Variants in DCC observed in about 807,000 individuals in gnomAD.
The protein encoded by DCC is netrin receptor DCC.
DCC carries 58 observed loss-of-function variants against 172.5 expected under a neutral mutation model. The ratio of observed to expected loss-of-function variants is 0.34; its 90% CI spans 0.27 to 0.42. The LOEUF is 0.42. Among genes scored for constraint, DCC ranks in the 10% least tolerant of loss-of-function variants. The probability of loss-of-function intolerance (pLI) is 1.00; values close to 1 mark genes in which losing one functional copy is unlikely to be tolerated. For missense variants in DCC, 1,740 were observed against 1,791.0 expected (o/e 0.97, Z 0.51); for synonymous variants, 709 against 644.5 (o/e 1.10, Z -1.52).
In DCC at chr18:52,758,264, T is replaced by G. The variant is rs140027539; in HGVS notation, c.412+5890T>G. 3.3e-3 allele frequency among the ~76,000 whole-genome samples: 499 copies of G among 152,290 alleles called. 7 individuals carry two copies. The highest frequency in any genetic ancestry group is 0.011 in the African/African-American group (468 of 41,576). On this transcript the variant is annotated intron_variant, in intron 2 of 28. Coordinates refer to ENST00000442544, the MANE Select transcript of DCC (RefSeq NM_005215.4). ...ATAATGATCTTTCTAGGAACACAAT[T>G]TGGTAATCTTTTATCTTTCTAAGTG...
At chr18:52,415,484 G>A (rs1986990004) in intron 1 of DCC, among the ~76,000 whole-genome samples, 2 of 152,266 alleles carry the variant, frequency 1.3e-5, no homozygotes, top group African/African-American at 4.8e-5. Flanking sequence ...TAAACATTAT[G>A]GGATGTGCCA....
chr18:53,267,155 G>T lies in DCC; in HGVS notation c.1912-38423G>T, dbSNP rs544567982. ...ACACATATATATATATATATAGAGA[G>T]AGAGAGAGAGACAGAGACAGAGAGA... is the stretch of plus-strand genomic sequence containing the variant. On this transcript the variant is annotated intron_variant, in intron 12 of 28. Coordinates refer to ENST00000442544, the MANE Select transcript of DCC (RefSeq NM_005215.4). Among the ~76,000 whole-genome samples, 202 of 151,704 alleles carry T rather than the reference G, an allele frequency of 1.3e-3. 1 individual carries two copies. The highest frequency in any genetic ancestry group is 4.6e-3 in the South Asian group (22 of 4,798).
chr18:53,060,118 C>T (rs1381861430), intron 5 of DCC, among the ~76,000 whole-genome samples: 1 of 152,112 alleles, frequency 6.6e-6, no homozygotes, highest in African/African-American at 2.4e-5. Context: ...ATTCTCATGC[C>T]TCAGCCTCCC....
chr18:53,438,328 T>G (rs1243137250), intron 22 of DCC, among the ~76,000 whole-genome samples: 1 of 152,198 alleles, frequency 6.6e-6, no homozygotes, highest in African/African-American at 2.4e-5. Flanking sequence ...GCTTAAAGCT[T>G]GGGCAAATGT....
intron 2 of DCC, among the ~76,000 whole-genome samples, chr18:52,815,183 C>T (rs4939706): frequency 0.97 from 147,171 of 152,224 alleles, 71,353 homozygotes; most frequent in Middle Eastern, 1. Context: ...TGATTAGCAT[C>T]TGTTTAATGA....
At chr18:53,362,530 C>G (rs2057959172) in intron 15 of DCC, among the ~76,000 whole-genome samples, 1 of 152,094 alleles carries the variant, frequency 6.6e-6, no homozygotes, top group Non-Finnish European at 1.5e-5. Context: ...ATGGCCTTCA[C>G]AAGAAAAAGT....
intron 5 of DCC, among the ~76,000 whole-genome samples, chr18:52,928,475 T>C (rs1214623002): frequency 6.6e-6 from 1 of 152,170 alleles, no homozygotes; most frequent in Non-Finnish European, 1.5e-5. Flanking sequence ...TAACGTAATA[T>C]AATACAGTTA....
At chr18:53,515,003 G>T (rs958732874) in intron 27 of DCC, among the ~76,000 whole-genome samples, 11 of 151,752 alleles carry the variant, frequency 7.2e-5, no homozygotes, top group Non-Finnish European at 1.5e-4. Flanking sequence ...CAAAAAAAGA[G>T]AATTTTAGAC....
chr18:52,904,024 G>GA (rs1182874083), intron 2 of DCC, among the ~76,000 whole-genome samples: 2 of 152,214 alleles, frequency 1.3e-5, no homozygotes, highest in African/African-American at 4.8e-5. Flanking sequence ...AGTTCTAACT[G>GA]AAAAAGAATA....
intron 1 of DCC, among the ~76,000 whole-genome samples, chr18:52,416,061 T>C (rs1169447643): frequency 1.3e-5 from 2 of 152,156 alleles, no homozygotes; most frequent in East Asian, 3.9e-4. Flanking sequence ...CCAGAGATTC[T>C]GGTATGTTGT....
At chr18:53,503,620 G>T (rs1032196052) in intron 27 of DCC, among the ~76,000 whole-genome samples, 1 of 152,274 alleles carries the variant, frequency 6.6e-6, no homozygotes, top group Admixed American at 6.5e-5. Flanking sequence ...CTAAGATAGG[G>T]TGTGTGGGTT....
chr18:52,693,358 A>G (rs1599023828), intron 1 of DCC, among the ~76,000 whole-genome samples: 1 of 147,962 alleles, frequency 6.8e-6, no homozygotes, highest in South Asian at 2.1e-4. Flanking sequence ...AAATATAGGT[A>G]GAATATATAA....
Position 52,552,834 on chromosome 18 carries a change from GGAAAAAA to G in DCC, c.92-199211_92-199205del, listed in dbSNP as rs536061756. On this transcript the variant is annotated intron_variant, in intron 1 of 28. Coordinates refer to ENST00000442544, the MANE Select transcript of DCC (RefSeq NM_005215.4). Reference sequence around the variant, plus strand: ...CATGTAAAGAAATAAATGGGCTAAAGGAAAAAAGAAAAAAGTATTTCTCACACTTTTC... The same window carrying G: ...CATGTAAAGAAATAAATGGGCTAAAGGAAAAAAGTATTTCTCACACTTTTC... Among the ~76,000 whole-genome samples, 670 of 151,612 alleles carry G rather than the reference GGAAAAAA, an allele frequency of 4.4e-3. 3 individuals are homozygous for G. Among genetic ancestry groups the G allele is most frequent in the Non-Finnish European group, 8.2e-3 (553 of 67,786 alleles).
chr18:52,668,948 C>T lies in DCC; in HGVS notation c.92-83106C>T, dbSNP rs528165808. ...CCGCTGCCTAGCAGAGCTGATTTAT[C>T]AAGACAGGGGAATTGTAATAGAGAA... On this transcript the variant is annotated intron_variant, in intron 1 of 28. Transcript: ENST00000442544. Among the ~76,000 whole-genome samples, 15 of 152,324 alleles carry T rather than the reference C, an allele frequency of 9.8e-5. No individual in the cohort carries two copies. The East Asian group carries it at 1.7e-3, about 18-fold the overall frequency.
At chr18:52,794,149 A>G (rs2037827206) in intron 2 of DCC, among the ~76,000 whole-genome samples, 2 of 152,022 alleles carry the variant, frequency 1.3e-5, no homozygotes, top group Admixed American at 6.6e-5. Flanking sequence ...GTGTTTCCAC[A>G]TAAATTTTAG....
intron 1 of DCC, among the ~76,000 whole-genome samples, chr18:52,493,519 G>A (rs188014200): frequency 1.3e-5 from 2 of 152,116 alleles, no homozygotes; most frequent in Admixed American, 6.6e-5. Flanking sequence ...TATTTGCATG[G>A]TGAATCATTT....
At chr18:52,971,524 C>T (rs1598985284) in intron 5 of DCC, among the ~76,000 whole-genome samples, 2 of 151,682 alleles carry the variant, frequency 1.3e-5, no homozygotes, top group African/African-American at 2.4e-5. Flanking sequence ...CACACACACA[C>T]ACACGCACGC....
chr18:52,671,874 A>T (rs1256425675), intron 1 of DCC, among the ~76,000 whole-genome samples: 1 of 152,100 alleles, frequency 6.6e-6, no homozygotes, highest in Non-Finnish European at 1.5e-5. Flanking sequence ...TTGCAGAACG[A>T]AACTCTTGAA....
intron 27 of DCC, among the ~76,000 whole-genome samples, chr18:53,525,999 A>G (rs1030863529): frequency 2.8e-4 from 43 of 152,258 alleles, no homozygotes; most frequent in African/African-American, 9.9e-4. Flanking sequence ...AATATCATCT[A>G]TTTGATACTC....
Sources: gnomAD v4.1 joint callset for allele counts (sites outside exome capture counted in the v4.1 genomes callset) on GRCh38, gnomAD v4.1.1 for gene constraint, MANE v1.5 for transcripts, NCBI Gene and HGNC (gene_info 2026-07-23, HGNC 2026-07-21) for gene names.